The following DYNC2H1 variants were observed in gnomAD, a reference collection of about 807,000 sequenced individuals.
DYNC2H1 encodes cytoplasmic dynein 2 heavy chain 1.
In DYNC2H1, 410 loss-of-function variants were observed where a neutral mutation model predicts 570.0. That is an observed-to-expected ratio of 0.72 (90% CI 0.66 to 0.78). The LOEUF (loss-of-function observed/expected upper bound fraction) is 0.78, where lower values mean the gene tolerates loss of function less well. Among genes scored for constraint, DYNC2H1 ranks in the 30% least tolerant of loss-of-function variants. The probability of loss-of-function intolerance (pLI) is 0.00; values close to 1 mark genes in which losing one functional copy is unlikely to be tolerated. For synonymous variants in DYNC2H1, 1,688 were observed against 1,677.6 expected (o/e 1.01, Z -0.15); for missense variants, 4,865 against 5,046.4 (o/e 0.96, Z 1.09).
chr11:103,192,180 G>T lies in DYNC2H1; in HGVS notation c.7624G>T (p.Ala2542Ser), dbSNP rs1862343623. Residue 2542 changes from alanine to serine, a missense_variant, in exon 47 of 89, where the codon GCA becomes TCA. Coordinates refer to ENST00000375735, the MANE Select transcript of DYNC2H1 (RefSeq NM_001377.3). ...RRLFRDKIVG[A>S]KELHLFDIIL... is the part of the protein sequence containing the mutation. The stretch of plus-strand genomic sequence containing the variant: ...CTTATTTCGTGACAAAATTGTTGGT[G>T]CAAAGGAACTTCATTTATTTGACAT... 5.7e-6 allele frequency: 9 copies of T among 1,584,372 alleles called. No homozygotes were observed. Among genetic ancestry groups the T allele is most frequent in the African/African-American group, 2.7e-5 (2 of 74,670 alleles).
In DYNC2H1 at chr11:103,205,784, T is replaced by C. The variant is rs1463530823; in HGVS notation, c.8454+820T>C. Among the ~76,000 whole-genome samples, 2 of 152,110 alleles carry C rather than the reference T, an allele frequency of 1.3e-5. No homozygotes were observed. Among genetic ancestry groups the C allele is most frequent in the African/African-American group, 2.4e-5 (1 of 41,418 alleles). On this transcript the variant is annotated intron_variant, in intron 52 of 88. Transcript: ENST00000375735. This position sits in a 1 kb window ranked among gnomAD's most constrained non-coding sequence, Gnocchi z 4.5. ...AGGTGAAGATCCTGGGTAGAGAGCA[T>C]GTCTGATGATTTTGAGGATCAGTAA...
intron 83 of DYNC2H1, among the ~76,000 whole-genome samples, chr11:103,389,161 C>A (rs1337634408): frequency 6.6e-6 from 1 of 152,048 alleles, no homozygotes; most frequent in Non-Finnish European, 1.5e-5. Context: ...AAGCTATGAA[C>A]TATTGCCTCA....
intron 42 of DYNC2H1, 42 bp from the exon 43 acceptor site, chr11:103,187,298 G>C (rs992421322): frequency 1.9e-6 from 3 of 1,607,244 alleles, no homozygotes; most frequent in Non-Finnish European, 2.5e-6. Flanking sequence ...TATTTTGTTG[G>C]TTGCATTTTT....
chr11:103,110,226 G>T (rs1858046176), intron 1 of DYNC2H1, among the ~76,000 whole-genome samples: 1 of 152,002 alleles, frequency 6.6e-6, no homozygotes, highest in Non-Finnish European at 1.5e-5. Context: ...TCACCACGTT[G>T]GCCATGTGGG....
rs1191468968 is a variant in DYNC2H1, at chr11:103,204,862, T to A, written c.8352T>A (p.Ser2784=). 1.1e-5 allele frequency: 18 copies of A among 1,589,684 alleles called. No homozygotes were observed. Among genetic ancestry groups the A allele is most frequent in the Non-Finnish European group, 1.5e-5 (17 of 1,166,718 alleles). The part of the protein sequence containing the change: ...QNLHIVLIMD[S]ANSNFMINCE... ...TGCATATTGTCTTGATAATGGATTC[T>A]GCAAATTCAAACTTCATGATAAACT... The change falls in exon 52 of 89, where the codon TCT becomes TCA. Residue 2784 remains serine (S), a synonymous_variant. Coordinates refer to ENST00000375735, the MANE Select transcript of DYNC2H1 (RefSeq NM_001377.3). This position sits in a 1 kb window ranked among gnomAD's most constrained non-coding sequence, Gnocchi z 4.1.
At chr11:103,250,713 A>G (rs1225576641) in intron 65 of DYNC2H1, among the ~76,000 whole-genome samples, 1 of 151,978 alleles carries the variant, frequency 6.6e-6, no homozygotes, top group African/African-American at 2.4e-5. Context: ...TTTTTCTAAT[A>G]TATGCATTTA....
chr11:103,386,230 A>G (rs1306240999), intron 83 of DYNC2H1, among the ~76,000 whole-genome samples: 1 of 152,174 alleles, frequency 6.6e-6, no homozygotes. Flanking sequence ...GCAACTGTGA[A>G]ATAAGTTATA....
At chr11:103,348,547 G>GT (rs1231831324) in intron 82 of DYNC2H1, among the ~76,000 whole-genome samples, 1 of 152,108 alleles carries the variant, frequency 6.6e-6, no homozygotes, top group African/African-American at 2.4e-5. Flanking sequence ...GGACAATACA[G>GT]TTAAGTGTTC....
chr11:103,343,062 G>A (rs1393902277), intron 82 of DYNC2H1, among the ~76,000 whole-genome samples: 3 of 152,128 alleles, frequency 2.0e-5, no homozygotes, highest in Non-Finnish European at 4.4e-5. Context: ...AGGCTTTCTG[G>A]GAAAAGGCTA....
chr11:103,148,393 C>T, intron 19 of DYNC2H1, 97 bp from the exon 20 acceptor site: 1 of 1,269,934 alleles, frequency 7.9e-7, no homozygotes, highest in Non-Finnish European at 1.1e-6. Flanking sequence ...ATTCCATGTA[C>T]TGATTACTTC....
Position 103,120,769 on chromosome 11 carries a change from T to G in DYNC2H1, c.1215T>G (p.Asn405Lys), listed in dbSNP as rs1858664322. The stretch of plus-strand genomic sequence containing the variant: ...AAAAAATAGCAGGAAAATTGAAAAA[T>G]TATATTTCAGAAATTCAAGACAGTC... ...AEQKIAGKLK[N>K]YISEIQDSPQ... is the part of the protein sequence containing the mutation. Residue 405 changes from asparagine (N) to lysine (K), a missense_variant, in exon 8 of 89, where the codon AAT (asparagine) becomes AAG (lysine). By Grantham distance (94) the Asn-to-Lys change is moderately conservative. Around this residue, in one of 5 missense-constraint regions of DYNC2H1, gnomAD observed 1,936 missense variants for 1,962.1 expected, o/e 0.99. Coordinates refer to ENST00000375735, the MANE Select transcript of DYNC2H1 (RefSeq NM_001377.3). 1 of 1,579,560 alleles carries G rather than the reference T, an allele frequency of 6.3e-7. No individual in the cohort carries two copies. Among genetic ancestry groups the G allele is most frequent in the African/African-American group, 1.4e-5 (1 of 74,002 alleles).
chr11:103,206,828 T>C (rs1332123592), intron 52 of DYNC2H1, among the ~76,000 whole-genome samples: 3 of 152,034 alleles, frequency 2.0e-5, no homozygotes, highest in Non-Finnish European at 2.9e-5. Context: ...AATGAGAAGA[T>C]TGGAGACAAT....
Position 103,253,395 on chromosome 11 carries a change from T to C in DYNC2H1, c.10153T>C (p.Ser3385Pro), listed in dbSNP as rs529178491. ...PNPFIPPDAA[S>P]IVTEVNFTTT... Reference sequence around the variant, plus strand: ...TCCTTTTATTCCACCGGATGCAGCTTCCATTGTTACTGAGGTTAACTTTAC... The same window carrying C: ...TCCTTTTATTCCACCGGATGCAGCTCCCATTGTTACTGAGGTTAACTTTAC... Residue 3385 changes from serine (S) to proline (P), a missense_variant, in exon 66 of 89, where the codon TCC (serine) becomes CCC (proline). Around this residue, in one of 5 missense-constraint regions of DYNC2H1, gnomAD observed 2,401 missense variants for 2,454.6 expected, o/e 0.98. Transcript: ENST00000375735. 2 of 1,613,352 alleles carry C rather than the reference T, an allele frequency of 1.2e-6. No individual in the cohort carries two copies. The highest frequency in any genetic ancestry group is 2.2e-5 in the South Asian group (2 of 91,042).
At chr11:103,390,536 C>A (rs1358191386) in intron 83 of DYNC2H1, among the ~76,000 whole-genome samples, 1 of 152,110 alleles carries the variant, frequency 6.6e-6, no homozygotes, top group African/African-American at 2.4e-5. Flanking sequence ...TTGATCCTGT[C>A]ATTATGATGT....
At position 103,252,100 on chromosome 11, in the gene DYNC2H1, A is replaced by ATT. The variant is rs35814518; in HGVS notation, c.10043-1171_10043-1170dup. On this transcript the variant is annotated intron_variant, in intron 65 of 88. Coordinates refer to ENST00000375735, the MANE Select transcript of DYNC2H1 (RefSeq NM_001377.3). The surrounding 1 kb of genome is among the most constrained non-coding windows in gnomAD (Gnocchi z 4.6). ...CCATCATGCCCAGCTAATTAAAAAC[A>ATT]TTTTTTTTTTTTTTTGCAAAGACGA... Among the ~76,000 whole-genome samples, 2 of 142,458 alleles carry ATT rather than the reference A, an allele frequency of 1.4e-5. No individual in the cohort carries two copies. Among genetic ancestry groups the ATT allele is most frequent in the Admixed American group, 7.1e-5 (1 of 14,068 alleles). The allele number at this position is 142,458 out of a possible 152,430, so 93.5% of individuals were successfully genotyped here.
chr11:103,331,418 G>A (rs1388435822), intron 82 of DYNC2H1, among the ~76,000 whole-genome samples: 1 of 152,078 alleles, frequency 6.6e-6, no homozygotes, highest in Admixed American at 6.5e-5. Flanking sequence ...CCTACCCTAA[G>A]TAAAAGGAAT....
chr11:103,235,923 T>C, intron 62 of DYNC2H1, 110 bp downstream of exon 62: 1 of 1,332,810 alleles, frequency 7.5e-7, no homozygotes, highest in Non-Finnish European at 9.9e-7. Flanking sequence ...TTTACCTTTT[T>C]TAAATGGGGG....
At chr11:103,194,473 A>G in intron 47 of DYNC2H1, among the ~76,000 whole-genome samples, 1 of 152,116 alleles carries the variant, frequency 6.6e-6, no homozygotes, top group East Asian at 1.9e-4. Flanking sequence ...TTGCATGCTT[A>G]CTTTTTTAAG....
intron 88 of DYNC2H1, among the ~76,000 whole-genome samples, chr11:103,473,762 A>G (rs747507609): frequency 2.0e-5 from 3 of 152,172 alleles, no homozygotes; most frequent in South Asian, 2.1e-4. Context: ...CCTTTGCTCT[A>G]TCTTCCTGGA....
Sources: allele counts gnomAD v4.1 joint callset (sites outside exome capture counted in the v4.1 genomes callset), GRCh38; gene constraint gnomAD v4.1.1; regional missense constraint gnomAD v4.1.1; non-coding constraint Gnocchi (gnomAD v3.1); transcripts MANE v1.5; gene names NCBI Gene and HGNC (gene_info 2026-07-23, HGNC 2026-07-21).